Variants in SDK1 observed in about 807,000 individuals in gnomAD.
SDK1 encodes sidekick cell adhesion molecule 1.
SDK1 carries 157 observed loss-of-function variants against 245.5 expected under a neutral mutation model. That is an observed-to-expected ratio of 0.64 (90% CI 0.56 to 0.73). SDK1 has a LOEUF of 0.73. SDK1 is among the 30% of genes least tolerant of loss of function. The pLI, the probability that SDK1 is intolerant of heterozygous loss-of-function variation, is 0.00. For missense variants in SDK1, 3,583 were observed against 3,002.3 expected, an observed-to-expected ratio of 1.19 and a Z score of -4.52; for synonymous variants, 1,647 against 1,278.5, an observed-to-expected ratio of 1.29 and a Z score of -6.15.
At chr7:3,489,177 G>C (rs893059585) in intron 1 of SDK1, among the ~76,000 whole-genome samples, 82 of 152,232 alleles carry the variant, frequency 5.4e-4, no homozygotes, top group African/African-American at 2.0e-3. Flanking sequence ...TAAGGCTAGG[G>C]GTGGGTGCAG....
chr7:3,405,178 A>C (rs531869904), intron 1 of SDK1, among the ~76,000 whole-genome samples: 1 of 130,956 alleles, frequency 7.6e-6, no homozygotes, highest in African/African-American at 4.0e-5. Context: ...AAACAAAAAC[A>C]AAAACAAAAA....
At chr7:3,368,131 C>T (rs557731315) in intron 1 of SDK1, among the ~76,000 whole-genome samples, 1 of 152,226 alleles carries the variant, frequency 6.6e-6, no homozygotes, top group South Asian at 2.1e-4. Context: ...TAAAATTAGT[C>T]CTAGTAATAA....
At chr7:3,880,828 A>G (rs1395725398) in intron 5 of SDK1, among the ~76,000 whole-genome samples, 1 of 152,064 alleles carries the variant, frequency 6.6e-6, no homozygotes, top group African/African-American at 2.4e-5. Context: ...ATGAACTGTG[A>G]TCTGACAGTG....
rs142268038 is a variant in SDK1, at chr7:4,114,076, G to A, written c.3625G>A (p.Val1209Met). ...DSQYNGNPES[V>M]GYRIKYWRSD... The stretch of plus-strand genomic sequence containing the variant: ...TCAGTACAACGGGAACCCCGAGTCC[G>A]TGGGCTACAGGATTAAGTACTGGCG... The change falls in exon 25 of 45, where the codon GTG becomes ATG. Residue 1209 changes from valine to methionine, a missense_variant. Transcript: ENST00000404826. 6.2e-6 allele frequency: 10 copies of A among 1,614,074 alleles called. No homozygotes were observed. Among genetic ancestry groups the A allele is most frequent in the African/African-American group, 2.7e-5 (2 of 74,908 alleles).
At chr7:3,874,012 T>A (rs1355436511) in intron 5 of SDK1, among the ~76,000 whole-genome samples, 1 of 152,122 alleles carries the variant, frequency 6.6e-6, no homozygotes, top group Non-Finnish European at 1.5e-5. Flanking sequence ...CTCATAATAG[T>A]TTTGTTGTTG....
In SDK1 at chr7:3,301,705, T is replaced by C; in HGVS notation, c.119T>C (p.Leu40Pro). Residue 40 changes from leucine to proline, a missense_variant, in exon 1 of 45, where the codon CTG (leucine) becomes CCG (proline). Physicochemically the swap from Leu to Pro is moderately conservative, Grantham distance 98. Transcript: ENST00000404826. The stretch of plus-strand genomic sequence containing the variant: ...CCGCCCGGCCGCGCCCGCCCCTCGC[T>C]GGCGCCGCGCCCCGGCCCGGAGCCC... Reference protein sequence around the residue: ...GSPPGRARPSLAPRPGPEPSR... With the variant: ...GSPPGRARPSPAPRPGPEPSR... 2 of 972,170 alleles carry C rather than the reference T, an allele frequency of 2.1e-6. No individual in the cohort carries two copies. Among genetic ancestry groups the C allele is most frequent in the Non-Finnish European group, 2.4e-6 (2 of 823,090 alleles). The allele number at this position is 972,170 out of a possible 1,614,324, so 60.2% of individuals were successfully genotyped here. A position where few individuals can be genotyped will look rare whatever the true frequency, so the allele number is the denominator to read the frequency against.
chr7:3,466,979 TACACACACACA>T (rs1313698918), intron 1 of SDK1, among the ~76,000 whole-genome samples: 12 of 127,594 alleles, frequency 9.4e-5, no homozygotes, highest in Middle Eastern at 8.0e-3. Flanking sequence ...TCTCTCTCTC[TACACACACACA>T]CACACACACA....
At chr7:3,303,602 A>G (rs1480557626) in intron 1 of SDK1, among the ~76,000 whole-genome samples, 2 of 152,206 alleles carry the variant, frequency 1.3e-5, no homozygotes, top group Non-Finnish European at 2.9e-5. Context: ...CCTTTTTGGC[A>G]GTAAAAACAT....
intron 30 of SDK1, among the ~76,000 whole-genome samples, chr7:4,149,980 C>T (rs930248463): frequency 3.3e-5 from 5 of 152,284 alleles, no homozygotes; most frequent in Non-Finnish European, 4.4e-5. Flanking sequence ...GACTAGAATC[C>T]GTCCACTCAC....
intron 5 of SDK1, among the ~76,000 whole-genome samples, chr7:3,947,310 G>C (rs1171623422): frequency 6.6e-6 from 1 of 152,048 alleles, no homozygotes; most frequent in African/African-American, 2.4e-5. Flanking sequence ...TATCGTCCAG[G>C]TTAAAAACAT....
At chr7:4,184,189 T>C (rs1011508777) in intron 35 of SDK1, among the ~76,000 whole-genome samples, 1 of 152,200 alleles carries the variant, frequency 6.6e-6, no homozygotes, top group Non-Finnish European at 1.5e-5. Flanking sequence ...TTCCGTCCCC[T>C]CGGCTGGAAG....
intron 44 of SDK1, among the ~76,000 whole-genome samples, chr7:4,247,166 C>G (rs1247571616): frequency 1.3e-5 from 2 of 152,192 alleles, no homozygotes; most frequent in African/African-American, 4.8e-5. Context: ...TAAAATAAGT[C>G]TCACCTTCAT....
At chr7:3,595,771 T>C (rs139430540) in intron 1 of SDK1, among the ~76,000 whole-genome samples, 9 of 127,840 alleles carry the variant, frequency 7.0e-5, no homozygotes, top group African/African-American at 2.4e-4. Context: ...GAGCTTGCAG[T>C]GAGCCCAGAT....
At chr7:4,221,391 G>A in intron 40 of SDK1, 27 bp downstream of exon 40, 1 of 1,587,488 alleles carries the variant, frequency 6.3e-7, no homozygotes, top group South Asian at 1.1e-5. Flanking sequence ...CACAAACGGG[G>A]TCTCAGCCCA....
chr7:4,079,121 T>C (rs535964946), intron 21 of SDK1, among the ~76,000 whole-genome samples: 1 of 152,288 alleles, frequency 6.6e-6, no homozygotes, highest in African/African-American at 2.4e-5. Context: ...AAGAATTACA[T>C]TCATTCATCC....
chr7:3,420,670 A>T (rs1779510748), intron 1 of SDK1, among the ~76,000 whole-genome samples: 1 of 152,248 alleles, frequency 6.6e-6, no homozygotes, highest in Non-Finnish European at 1.5e-5. Context: ...TTTTAGAGAA[A>T]GTAAACGTTA....
intron 1 of SDK1, among the ~76,000 whole-genome samples, chr7:3,471,348 G>T (rs917033833): frequency 6.6e-6 from 1 of 152,160 alleles, no homozygotes; most frequent in Non-Finnish European, 1.5e-5. Context: ...GTGATTGTCA[G>T]TAAGTGGTAT....
At chr7:3,387,699 C>T (rs900793345) in intron 1 of SDK1, among the ~76,000 whole-genome samples, 1 of 152,152 alleles carries the variant, frequency 6.6e-6, no homozygotes, top group Non-Finnish European at 1.5e-5. Context: ...CTGAACTGTA[C>T]ATTTAATGTT....
chr7:3,346,827 ATTT>A (rs1163275778), intron 1 of SDK1, among the ~76,000 whole-genome samples: 10 of 16,382 alleles, frequency 6.1e-4, no homozygotes, highest in African/African-American at 1.2e-3. Context: ...ATATATATAT[ATTT>A]TTTTTTTTTT....
Sources: allele counts gnomAD v4.1 joint callset (sites outside exome capture counted in the v4.1 genomes callset), GRCh38; gene constraint gnomAD v4.1.1; transcripts MANE v1.5; gene names NCBI Gene and HGNC (gene_info 2026-07-23, HGNC 2026-07-21).